THNSL1: variants seen among roughly 807,000 people sequenced by gnomAD.
THNSL1 encodes the protein threonine synthase-like 1.
A neutral mutation model predicts 50.4 loss-of-function variants in THNSL1; 48 were observed. The observed-to-expected ratio is 0.95, with a 90% CI of 0.76 to 1.21. The LOEUF (loss-of-function observed/expected upper bound fraction) is 1.21, where lower values mean the gene tolerates loss of function less well. THNSL1 is among the 50% of genes most tolerant of loss of function. The pLI is 0.00. For missense variants in THNSL1, 896 were observed against 871.7 expected (o/e 1.03, Z -0.35); for synonymous variants, 309 against 306.1 (o/e 1.01, Z -0.10).
rs767456323 is a variant in THNSL1, at chr10:25,024,257, G to A, written c.1034G>A (p.Gly345Glu). The A allele has an allele frequency of 2.5e-5, 40 of 1,614,050 alleles. 1 individual carries two copies. The South Asian group carries it at 4.0e-4, about 16-fold the overall frequency. The stretch of plus-strand genomic sequence containing the variant: ...CAGTTCATCCTGGAGTTGTTTCATG[G>A]ACCAACAGGATCATTTAAAGATTTG... ...GNQFILELFHGPTGSFKDLSL... is the reference protein window; with the variant it reads ...GNQFILELFHEPTGSFKDLSL... Residue 345 changes from glycine to glutamate, a missense_variant, in exon 3 of 3, where the codon GGA (glycine) becomes GAA (glutamate). Physicochemically the swap from Gly to Glu is moderately conservative, Grantham distance 98. Transcript: ENST00000376356.
chr10:24,983,097 C>G, the THNSL1 span: 5 of 152,168 alleles, frequency 3.3e-5, no homozygotes, highest in African/African-American at 1.2e-4. Flanking sequence ...AACAGAGTCA[C>G]CAGACAAAAG....
At chr10:25,017,387 C>G (rs1412076424) in intron 1 of THNSL1, among the ~76,000 whole-genome samples, 2 of 152,048 alleles carry the variant, frequency 1.3e-5, no homozygotes, top group Non-Finnish European at 2.9e-5. Flanking sequence ...ATGGATGCCT[C>G]TGAACCACCG....
the THNSL1 span, among the ~76,000 whole-genome samples, chr10:25,010,357 A>T: frequency 3.1e-4 from 47 of 152,304 alleles, no homozygotes; most frequent in African/African-American, 1.1e-3. Context: ...CTAAGCGGCA[A>T]AACATTCAAG....
chr10:24,989,896 T>A, the THNSL1 span, among the ~76,000 whole-genome samples: 1 of 152,174 alleles, frequency 6.6e-6, no homozygotes, highest in Non-Finnish European at 1.5e-5. Flanking sequence ...CCCCCTAATA[T>A]TTTAAATGCT....
the THNSL1 span, among the ~76,000 whole-genome samples, chr10:25,010,482 T>C: frequency 6.6e-6 from 1 of 151,948 alleles, no homozygotes; most frequent in Non-Finnish European, 1.5e-5. Context: ...TTAGGGTACA[T>C]GTGCACAATG....
At chr10:25,000,252 T>C in the THNSL1 span, among the ~76,000 whole-genome samples, 3 of 152,296 alleles carry the variant, frequency 2.0e-5, no homozygotes, top group South Asian at 2.1e-4. Context: ...GTATGTTCTA[T>C]TTTAGTAAAT....
At chr10:24,969,843 G>C in the THNSL1 span, among the ~76,000 whole-genome samples, 1 of 152,102 alleles carries the variant, frequency 6.6e-6, no homozygotes, top group Non-Finnish European at 1.5e-5. Flanking sequence ...GATTGCCTTA[G>C]AAAAAACCCA....
At chr10:24,995,541 T>C in the THNSL1 span, 1 of 1,001,258 alleles carries the variant, frequency 1.0e-6, no homozygotes, top group Non-Finnish European at 1.5e-6. Context: ...AAGTAGACAA[T>C]GTGTCCAATG....
the THNSL1 span, among the ~76,000 whole-genome samples, chr10:24,997,122 G>A: frequency 6.6e-6 from 1 of 152,198 alleles, no homozygotes; most frequent in Non-Finnish European, 1.5e-5. Flanking sequence ...GCTGAGGCAG[G>A]AGGATTGCTT....
At chr10:25,021,137 C>T (rs942022625) in intron 1 of THNSL1, among the ~76,000 whole-genome samples, 1 of 152,144 alleles carries the variant, frequency 6.6e-6, no homozygotes, top group African/African-American at 2.4e-5. Context: ...TGCCTTGTAC[C>T]TACATATTTG....
chr10:24,993,747 A>G, the THNSL1 span, among the ~76,000 whole-genome samples: 1 of 152,226 alleles, frequency 6.6e-6, no homozygotes, highest in African/African-American at 2.4e-5. Flanking sequence ...ATGGTTTGGT[A>G]AACTCTGGTA....
the THNSL1 span, among the ~76,000 whole-genome samples, chr10:25,003,149 C>T: frequency 2.6e-5 from 4 of 151,734 alleles, no homozygotes; most frequent in Admixed American, 2.0e-4. Flanking sequence ...AATTCAATTT[C>T]AGTGTTTCTT....
intron 1 of THNSL1, among the ~76,000 whole-genome samples, chr10:25,021,076 C>A (rs1310612687): frequency 6.6e-6 from 1 of 152,140 alleles, no homozygotes; most frequent in African/African-American, 2.4e-5. Flanking sequence ...TGGGTGAACA[C>A]CACGGTATTC....
At chr10:24,971,575 G>T in the THNSL1 span, among the ~76,000 whole-genome samples, 5 of 152,204 alleles carry the variant, frequency 3.3e-5, no homozygotes, top group Non-Finnish European at 7.3e-5. Context: ...GATACATAGA[G>T]TTCTGTAAGC....
At chr10:24,993,629 T>A in the THNSL1 span, among the ~76,000 whole-genome samples, 7 of 152,232 alleles carry the variant, frequency 4.6e-5, no homozygotes, top group Non-Finnish European at 7.3e-5. Context: ...CAATGATAGA[T>A]CTTTAAAACT....
At chr10:24,996,259 C>CA in the THNSL1 span, among the ~76,000 whole-genome samples, 1 of 152,096 alleles carries the variant, frequency 6.6e-6, no homozygotes, top group South Asian at 2.1e-4. Flanking sequence ...CCCATCTCTG[C>CA]AAAAAATGCA....
the THNSL1 span, among the ~76,000 whole-genome samples, chr10:24,954,446 A>T: frequency 7.0e-4 from 107 of 152,256 alleles, no homozygotes; most frequent in East Asian, 0.019. Context: ...GAACTTCAAA[A>T]TATGTCACAG....
chr10:25,017,398 G>A (rs576392563), intron 1 of THNSL1, among the ~76,000 whole-genome samples: 1 of 152,188 alleles, frequency 6.6e-6, no homozygotes, highest in South Asian at 2.1e-4. Flanking sequence ...TGAACCACCG[G>A]TACAGAGGCC....
the THNSL1 span, among the ~76,000 whole-genome samples, chr10:24,959,206 C>A: frequency 2.0e-5 from 3 of 152,188 alleles, no homozygotes; most frequent in Non-Finnish European, 4.4e-5. Context: ...TAGTCAGCAG[C>A]AACTTTGCCT....
Sources: gnomAD v4.1 joint callset for allele counts (sites outside exome capture counted in the v4.1 genomes callset) on GRCh38, gnomAD v4.1.1 for gene constraint, MANE v1.5 for transcripts, NCBI Gene and HGNC (gene_info 2026-07-23, HGNC 2026-07-21) for gene names.